Variants in KDSR observed in about 807,000 individuals in gnomAD.
KDSR encodes 3-dehydrosphinganine reductase.
KDSR carries 23 observed loss-of-function variants against 41.3 expected under a neutral mutation model. The ratio of observed to expected loss-of-function variants is 0.56; its 90% CI spans 0.40 to 0.79. The LOEUF is 0.79. KDSR is among the 30% of genes least tolerant of loss of function. KDSR has a pLI of 0.00. For synonymous variants in KDSR, 138 were observed against 151.7 expected (o/e 0.91, Z 0.66); for missense variants, 351 against 416.8 (o/e 0.84, Z 1.37).
At chr18:63,336,572 T>C (rs959151051) in intron 8 of KDSR, among the ~76,000 whole-genome samples, 3 of 152,198 alleles carry the variant, frequency 2.0e-5, no homozygotes, top group Non-Finnish European at 4.4e-5. Context: ...GCAGTAATAC[T>C]GATGAAAGCG....
Position 63,359,739 on chromosome 18 carries a change from T to A in KDSR, c.252A>T (p.Lys84Asn). ...KEIEMHSIND[K>N]QVVLCISVDV... ...CATTCTGAAGACAGAGATTTACCTGTTTGTCATTAATAGAGTGCATTTCAA... is the reference window on the plus strand; with the variant it reads ...CATTCTGAAGACAGAGATTTACCTGATTGTCATTAATAGAGTGCATTTCAA... Residue 84 changes from lysine (K) to asparagine (N), a missense_variant, in exon 3 of 10, where the codon AAA (lysine) becomes AAT (asparagine). Transcript: ENST00000645214. The A allele has an allele frequency of 6.3e-7, 1 of 1,597,132 alleles. No individual in the cohort carries two copies. The highest frequency in any genetic ancestry group is 8.6e-7 in the Non-Finnish European group (1 of 1,165,900).
rs1209313200 is a variant in KDSR, at chr18:63,355,185, A to G, written c.417+19T>C. ...TTTTAGCATATGTGCTACTGCAGTG[A>G]GCAAACATTTTTACTTACTTCAAAG... is the stretch of plus-strand genomic sequence containing the variant. On this transcript the variant is annotated intron_variant, in intron 5 of 9. Transcript: ENST00000645214. 1 of 1,552,072 alleles carries G rather than the reference A, an allele frequency of 6.4e-7. No individual in the cohort carries two copies. The highest frequency in any genetic ancestry group is 1.7e-5 in the Admixed American group (1 of 59,840).
chr18:63,351,638 T>C (rs916970284), intron 5 of KDSR, among the ~76,000 whole-genome samples: 1 of 152,180 alleles, frequency 6.6e-6, no homozygotes, highest in African/African-American at 2.4e-5. Flanking sequence ...GTTGCAAAGA[T>C]TAAAAGAGAA....
In KDSR at chr18:63,367,172, C is replaced by A. The variant is rs1744652786; in HGVS notation, c.-54G>T. Reference sequence around the variant, plus strand: ...GCCGGGCGGGGGCCGCCGGGCAAGGCGCGCAGGGCTGGGCTGCGGCGAGGC... The same window carrying A: ...GCCGGGCGGGGGCCGCCGGGCAAGGAGCGCAGGGCTGGGCTGCGGCGAGGC... On this transcript the variant is annotated 5_prime_UTR_variant, in exon 1 of 10. Transcript: ENST00000645214. 2.1e-6 allele frequency: 2 copies of A among 967,214 alleles called. No homozygotes were observed. The highest frequency in any genetic ancestry group is 1.4e-6 in the Non-Finnish European group (1 of 738,758). The allele number at this position is 967,214 out of a possible 1,614,324, so 59.9% of individuals were successfully genotyped here.
Position 63,331,010 on chromosome 18 carries a change from G to A in KDSR, c.*772C>T. 1 of 231,996 alleles carries A rather than the reference G, an allele frequency of 4.3e-6. No individual in the cohort carries two copies. Among genetic ancestry groups the A allele is most frequent in the Non-Finnish European group, 8.5e-6 (1 of 117,068 alleles). The allele number at this position is 231,996 out of a possible 1,614,324, so 14.4% of individuals were successfully genotyped here. The stretch of plus-strand genomic sequence containing the variant: ...GGAGGCTGCCTTTCCCCATGAATGA[G>A]AAATGAAACGTTCCCTAAGCATTTG... On this transcript the variant is annotated 3_prime_UTR_variant, in exon 10 of 10. Transcript: ENST00000645214.
At chr18:63,333,159 A>T (rs2144345966) in intron 9 of KDSR, among the ~76,000 whole-genome samples, 1 of 152,238 alleles carries the variant, frequency 6.6e-6, no homozygotes, top group Non-Finnish European at 1.5e-5. Flanking sequence ...GAGTATGATC[A>T]CAGCTCACTG....
intron 8 of KDSR, among the ~76,000 whole-genome samples, chr18:63,338,196 G>C (rs962687294): frequency 7.2e-5 from 11 of 152,166 alleles, no homozygotes; most frequent in African/African-American, 2.7e-4. Flanking sequence ...TGGTCCTATA[G>C]ATTTTCCAAA....
intron 9 of KDSR, among the ~76,000 whole-genome samples, chr18:63,332,415 G>A (rs1428193330): frequency 6.6e-6 from 1 of 152,172 alleles, no homozygotes; most frequent in African/African-American, 2.4e-5. Flanking sequence ...CTGTTGCTCA[G>A]GATGGAGTGC....
In KDSR at chr18:63,350,999, G is replaced by A; in HGVS notation, c.498C>T (p.Gly166=). 1 of 1,614,096 alleles carries A rather than the reference G, an allele frequency of 6.2e-7. No individual in the cohort carries two copies. Among genetic ancestry groups the A allele is most frequent in the East Asian group, 2.2e-5 (1 of 44,884 alleles). The change falls in exon 6 of 10, where the codon GGC becomes GGT. Residue 166 remains glycine (G), a synonymous_variant. Transcript: ENST00000645214. ...CCTGGGAGGACACAAACACGATCCT[G>A]CCCACCCGGCGCTCCTTCATGGTGG... is the stretch of plus-strand genomic sequence containing the variant. ...VITTMKERRV[G]RIVFVSSQAG...
chr18:63,356,425 A>T (rs1914797834), intron 3 of KDSR, among the ~76,000 whole-genome samples: 1 of 152,110 alleles, frequency 6.6e-6, no homozygotes, highest in Admixed American at 6.6e-5. Context: ...AGTAGTAATC[A>T]TATGATTAAT....
chr18:63,361,808 C>T (rs1310170528), intron 2 of KDSR, among the ~76,000 whole-genome samples: 1 of 152,136 alleles, frequency 6.6e-6, no homozygotes, highest in Non-Finnish European at 1.5e-5. Flanking sequence ...GAGTGAGATG[C>T]TGTCTCAAGA....
chr18:63,365,937 T>C (rs1289542574), intron 1 of KDSR: 1 of 152,188 alleles, frequency 6.6e-6, no homozygotes, highest in Admixed American at 6.5e-5. Context: ...CTTGTACAGA[T>C]TTAAAGCATA....
chr18:63,351,004 C>T lies in KDSR; in HGVS notation c.493G>A (p.Val165Met), dbSNP rs1914647084. 6.2e-7 allele frequency: 1 copy of T among 1,614,216 alleles called. No homozygotes were observed. The highest frequency in any genetic ancestry group is 8.5e-7 in the Non-Finnish European group (1 of 1,180,020). The change falls in exon 6 of 10, where the codon GTG (valine) becomes ATG (methionine). Residue 165 changes from valine (V) to methionine (M), a missense_variant. Transcript: ENST00000645214. ...GAGGACACAAACACGATCCTGCCCA[C>T]CCGGCGCTCCTTCATGGTGGTGATC... ...AVITTMKERR[V>M]GRIVFVSSQA...
At chr18:63,354,609 A>G (rs1469053906) in intron 5 of KDSR, among the ~76,000 whole-genome samples, 1 of 152,218 alleles carries the variant, frequency 6.6e-6, no homozygotes, top group Non-Finnish European at 1.5e-5. Context: ...TGGAGGTTGC[A>G]GTGAGCTGAG....
Position 63,336,456 on chromosome 18 carries a change from C to T in KDSR, c.778-1098G>A, listed in dbSNP as rs34295001. 6.5e-3 allele frequency among the ~76,000 whole-genome samples: 983 copies of T among 152,242 alleles called. 4 individuals carry two copies. Among genetic ancestry groups the T allele is most frequent in the Non-Finnish European group, 8.6e-3 (584 of 68,024 alleles). The stretch of plus-strand genomic sequence containing the variant: ...TCACTTCAGGAAAAACAACTGGCCA[C>T]GTGTCATCAATGTGAAATCTGAGCC... On this transcript the variant is annotated intron_variant, in intron 8 of 9. Coordinates refer to ENST00000645214, the MANE Select transcript of KDSR (RefSeq NM_002035.4).
At chr18:63,354,662 C>T (rs1222988448) in intron 5 of KDSR, among the ~76,000 whole-genome samples, 1 of 152,042 alleles carries the variant, frequency 6.6e-6, no homozygotes, top group Admixed American at 6.6e-5. Context: ...AGTGAAATTC[C>T]ATCTCAAAAA....
chr18:63,364,943 C>T (rs1915092373), intron 1 of KDSR, among the ~76,000 whole-genome samples: 1 of 152,226 alleles, frequency 6.6e-6, no homozygotes, highest in Non-Finnish European at 1.5e-5. Context: ...CACTGTTATA[C>T]ATAAATCATG....
intron 2 of KDSR, among the ~76,000 whole-genome samples, chr18:63,360,920 C>T (rs1327227203): frequency 1.4e-5 from 2 of 146,376 alleles, no homozygotes; most frequent in Non-Finnish European, 3.0e-5. Flanking sequence ...TTTGGGAGGC[C>T]GAGGTGGGTG....
At chr18:63,336,619 A>C (rs1005549850) in intron 8 of KDSR, among the ~76,000 whole-genome samples, 1 of 152,256 alleles carries the variant, frequency 6.6e-6, no homozygotes, top group African/African-American at 2.4e-5. Context: ...TATTTTCCAA[A>C]TGACTAATGC....
Sources: gnomAD v4.1 joint callset for allele counts (sites outside exome capture counted in the v4.1 genomes callset) on GRCh38, gnomAD v4.1.1 for gene constraint, MANE v1.5 for transcripts, NCBI Gene and HGNC (gene_info 2026-07-23, HGNC 2026-07-21) for gene names.